Variants in SERINC5 observed in about 807,000 individuals in gnomAD.
SERINC5 encodes the protein serine incorporator 5.
In SERINC5, 41 loss-of-function variants were observed where a neutral mutation model predicts 63.1. The ratio of observed to expected loss-of-function variants is 0.65; its 90% CI spans 0.51 to 0.84. The LOEUF (loss-of-function observed/expected upper bound fraction) is 0.84, where lower values mean the gene tolerates loss of function less well. SERINC5 is among the 40% of genes least tolerant of loss of function. The pLI is 0.00. For synonymous variants in SERINC5, 222 were observed against 215.2 expected, an observed-to-expected ratio of 1.03 and a Z score of -0.28; for missense variants, 523 against 573.0, an observed-to-expected ratio of 0.91 and a Z score of 0.89.
At chr5:80,158,381 C>T in intron 8 of SERINC5, 1 of 168,474 alleles carries the variant, frequency 5.9e-6, no homozygotes, top group South Asian at 1.6e-4. Flanking sequence ...GCACACAGCA[C>T]TCTGTACTCT....
intron 7 of SERINC5, 64 bp downstream of exon 7, chr5:80,166,319 C>A (rs1409428817): frequency 3.7e-6 from 4 of 1,093,882 alleles, no homozygotes; most frequent in Non-Finnish European, 5.4e-6. Context: ...TAAACAATAG[C>A]TCATTCCTCC....
rs1580061207 is a variant in SERINC5, at chr5:80,147,123, T to C, written c.1093+122A>G. The C allele has an allele frequency of 9.5e-5, 85 of 891,784 alleles. 1 individual carries two copies. In the East Asian group the frequency reaches 2.3e-3, roughly 24 times the overall value. The allele number at this position is 891,784 out of a possible 1,614,324, so 55.2% of individuals were successfully genotyped here. A position where few individuals can be genotyped will look rare whatever the true frequency, so the allele number is the denominator to read the frequency against. On this transcript the variant is annotated intron_variant, in intron 10 of 11. Coordinates refer to ENST00000507668, the MANE Select transcript of SERINC5 (RefSeq NM_001174072.3). Reference sequence around the variant, plus strand: ...AAAAGTGTATAAGTAGTAAGTCAGCTTTAGAATAAAACTTTCTCCTTACTA... The same window carrying C: ...AAAAGTGTATAAGTAGTAAGTCAGCCTTAGAATAAAACTTTCTCCTTACTA...
At chr5:80,190,969 G>A (rs977453644) in intron 2 of SERINC5, among the ~76,000 whole-genome samples, 1 of 152,068 alleles carries the variant, frequency 6.6e-6, no homozygotes, top group Admixed American at 6.5e-5. Flanking sequence ...CAAATGCTTG[G>A]TTTGGATTGT....
intron 11 of SERINC5, among the ~76,000 whole-genome samples, chr5:80,126,176 C>G (rs1368114661): frequency 6.6e-6 from 1 of 152,090 alleles, no homozygotes; most frequent in Non-Finnish European, 1.5e-5. Flanking sequence ...GTCTTGACCA[C>G]CAAGTAGAAT....
intron 1 of SERINC5, among the ~76,000 whole-genome samples, chr5:80,233,779 G>A (rs1307598159): frequency 7.4e-6 from 1 of 134,738 alleles, no homozygotes; most frequent in Non-Finnish European, 1.6e-5. Flanking sequence ...TTTACAGGAA[G>A]TATTTTATAG....
At chr5:80,150,279 G>A (rs6866910) in intron 9 of SERINC5, among the ~76,000 whole-genome samples, 29,607 of 152,014 alleles carry the variant, frequency 0.19, 2,952 homozygotes, top group South Asian at 0.25. Flanking sequence ...AGGGAAGAGC[G>A]CAGGGTGCAG....
intron 11 of SERINC5, among the ~76,000 whole-genome samples, chr5:80,132,996 G>A (rs1745007060): frequency 6.6e-6 from 1 of 152,168 alleles, no homozygotes; most frequent in South Asian, 2.1e-4. Flanking sequence ...CAGCGTTGGA[G>A]GTGGGGCCTG....
At chr5:80,201,409 C>T (rs916596340) in intron 2 of SERINC5, among the ~76,000 whole-genome samples, 2 of 152,240 alleles carry the variant, frequency 1.3e-5, no homozygotes, top group African/African-American at 2.4e-5. Context: ...TGGCAAACTG[C>T]GCCCTTGCAA....
At chr5:80,122,407 T>C (rs1321783083) in intron 11 of SERINC5, among the ~76,000 whole-genome samples, 1 of 151,974 alleles carries the variant, frequency 6.6e-6, no homozygotes, top group African/African-American at 2.4e-5. Context: ...GGCAGCTGAT[T>C]AGACTGTGCC....
intron 1 of SERINC5, among the ~76,000 whole-genome samples, chr5:80,230,484 T>A (rs1423617544): frequency 6.7e-6 from 1 of 148,916 alleles, no homozygotes; most frequent in East Asian, 2.0e-4. Context: ...TCTTCAAATT[T>A]GTTTGCCAAC....
At chr5:80,203,897 C>A (rs1468993205) in intron 1 of SERINC5, among the ~76,000 whole-genome samples, 1 of 152,168 alleles carries the variant, frequency 6.6e-6, no homozygotes, top group East Asian at 1.9e-4. Context: ...CAGGAGCACA[C>A]ACCTGGGCAG....
chr5:80,226,820 A>G (rs139647465), intron 1 of SERINC5, among the ~76,000 whole-genome samples: 20 of 152,298 alleles, frequency 1.3e-4, no homozygotes, highest in African/African-American at 4.8e-4. Context: ...TCATCCTCAC[A>G]ATAATCCCAT....
chr5:80,218,479 G>C (rs2112532058), intron 1 of SERINC5, among the ~76,000 whole-genome samples: 1 of 152,262 alleles, frequency 6.6e-6, no homozygotes, highest in Non-Finnish European at 1.5e-5. Context: ...GGCAGAGGTT[G>C]CAGTGAGCCA....
intron 1 of SERINC5, among the ~76,000 whole-genome samples, chr5:80,228,558 T>C (rs1470682055): frequency 2.0e-5 from 3 of 152,078 alleles, no homozygotes; most frequent in Admixed American, 2.0e-4. Context: ...TTGCCTCAAA[T>C]GATCCTCCTG....
At chr5:80,133,497 T>C (rs1216491345) in intron 11 of SERINC5, among the ~76,000 whole-genome samples, 1 of 152,204 alleles carries the variant, frequency 6.6e-6, no homozygotes, top group Non-Finnish European at 1.5e-5. Context: ...TGGCTTGTAA[T>C]AGTTGATAAC....
chr5:80,114,143 T>G (rs1309864667), intron 11 of SERINC5, among the ~76,000 whole-genome samples: 1 of 151,882 alleles, frequency 6.6e-6, no homozygotes, highest in Non-Finnish European at 1.5e-5. Flanking sequence ...CTAACCAAAA[T>G]GTTGGCCGTC....
rs151278874 is a variant in SERINC5, at chr5:80,241,197, A to G, written c.27+14699T>C. Among the ~76,000 whole-genome samples, 466 of 152,222 alleles carry G rather than the reference A, an allele frequency of 3.1e-3. 2 individuals carry two copies. Among genetic ancestry groups the G allele is most frequent in the African/African-American group, 0.011 (441 of 41,550 alleles). Reference sequence around the variant, plus strand: ...AAGAAATAAAAAGGCAAGGCTGGGCACAGTGGCTCACACCTGTAATCTCAG... The same window carrying G: ...AAGAAATAAAAAGGCAAGGCTGGGCGCAGTGGCTCACACCTGTAATCTCAG... On this transcript the variant is annotated intron_variant, in intron 1 of 11. Coordinates refer to ENST00000507668, the MANE Select transcript of SERINC5 (RefSeq NM_001174072.3).
In SERINC5 at chr5:80,158,918, A is replaced by G; in HGVS notation, c.904T>C (p.Phe302Leu). 1 of 1,613,828 alleles carries G rather than the reference A, an allele frequency of 6.2e-7. No homozygotes were observed. Among genetic ancestry groups the G allele is most frequent in the Non-Finnish European group, 8.5e-7 (1 of 1,179,798 alleles). The part of the protein sequence containing the change: ...GKNVTICVPD[F>L]GQDLYRDENL... ...TCATCTCTGTACAGGTCTTGACCAA[A>G]GTCAGGCACACAGATTGTAACATTT... The change falls in exon 8 of 12, where the codon TTT (phenylalanine) becomes CTT (leucine). Residue 302 changes from phenylalanine to leucine, a missense_variant. Transcript: ENST00000507668.
intron 2 of SERINC5, among the ~76,000 whole-genome samples, chr5:80,180,387 G>A (rs1327644755): frequency 1.3e-5 from 2 of 152,096 alleles, no homozygotes; most frequent in Non-Finnish European, 2.9e-5. Context: ...TAAAAGGAAA[G>A]TGTGATAAAG....
Sources: gnomAD v4.1 joint callset for allele counts (sites outside exome capture counted in the v4.1 genomes callset) on GRCh38, gnomAD v4.1.1 for gene constraint, MANE v1.5 for transcripts, NCBI Gene and HGNC (gene_info 2026-07-23, HGNC 2026-07-21) for gene names.